SLC7A8: variants seen among roughly 807,000 people sequenced by gnomAD.
SLC7A8 encodes large neutral amino acids transporter small subunit 2.
Under a neutral mutation model 51.2 loss-of-function variants are expected in SLC7A8, and 30 were observed. The observed-to-expected ratio is 0.59, with a 90% CI of 0.44 to 0.80. SLC7A8 has a LOEUF of 0.80. Ranked by LOEUF, SLC7A8 falls within the 30% of genes least tolerant of loss-of-function variation. The pLI, the probability that SLC7A8 is intolerant of heterozygous loss-of-function variation, is 0.00. For missense variants in SLC7A8, 612 were observed against 674.4 expected, an observed-to-expected ratio of 0.91 and a Z score of 1.03; for synonymous variants, 257 against 275.8, an observed-to-expected ratio of 0.93 and a Z score of 0.67.
At chr14:23,132,797 A>G (rs549127495) in intron 7 of SLC7A8, among the ~76,000 whole-genome samples, 8 of 152,156 alleles carry the variant, frequency 5.3e-5, no homozygotes, top group South Asian at 2.1e-4. Context: ...CACCACACCC[A>G]GCTAATTTTT....
intron 1 of SLC7A8, among the ~76,000 whole-genome samples, chr14:23,180,773 A>G (rs1330498820): frequency 6.6e-6 from 1 of 152,206 alleles, no homozygotes; most frequent in Non-Finnish European, 1.5e-5. Flanking sequence ...CAAAAACATC[A>G]GTATATAGGA....
intron 7 of SLC7A8, among the ~76,000 whole-genome samples, chr14:23,132,130 A>G (rs926456212): frequency 4.7e-5 from 7 of 150,478 alleles, no homozygotes; most frequent in Middle Eastern, 3.4e-3. Flanking sequence ...CAGCCTCCCG[A>G]GAAGGTGGGA....
chr14:23,175,742 A>G (rs756396991), intron 1 of SLC7A8, among the ~76,000 whole-genome samples: 20 of 152,176 alleles, frequency 1.3e-4, no homozygotes, highest in African/African-American at 2.4e-4. Context: ...GAAGTGTCCA[A>G]CAGGATCCCT....
intron 7 of SLC7A8, among the ~76,000 whole-genome samples, chr14:23,134,484 A>G (rs991572790): frequency 6.6e-6 from 1 of 151,526 alleles, no homozygotes; most frequent in Admixed American, 6.6e-5. Context: ...AAAGGAAAAA[A>G]TGAATAAAAT....
At chr14:23,181,030 A>C (rs1702315561) in intron 1 of SLC7A8, among the ~76,000 whole-genome samples, 1 of 149,492 alleles carries the variant, frequency 6.7e-6, no homozygotes, top group South Asian at 2.3e-4. Flanking sequence ...CCGTCTGAAC[A>C]AAAAAAAAGA....
chr14:23,139,278 A>G (rs2048719386), intron 6 of SLC7A8, 146 bp downstream of exon 6: 2 of 1,253,212 alleles, frequency 1.6e-6, no homozygotes, highest in Admixed American at 1.8e-5. Context: ...TACCCCAGCC[A>G]ATGACATATG....
chr14:23,144,088 G>A (rs2048768938), intron 3 of SLC7A8, among the ~76,000 whole-genome samples: 3 of 152,212 alleles, frequency 2.0e-5, no homozygotes, highest in African/African-American at 7.2e-5. Context: ...TATGAATAGA[G>A]TTGTGATAAA....
At chr14:23,150,774 G>C (rs1594830662) in intron 3 of SLC7A8, among the ~76,000 whole-genome samples, 1 of 152,292 alleles carries the variant, frequency 6.6e-6, no homozygotes, top group East Asian at 1.9e-4. Context: ...ATGGTTTGAA[G>C]GATTTTAGAG....
intron 3 of SLC7A8, among the ~76,000 whole-genome samples, chr14:23,145,645 G>A (rs769380337): frequency 6.6e-6 from 1 of 151,876 alleles, no homozygotes; most frequent in Non-Finnish European, 1.5e-5. Flanking sequence ...TGCTCAGCAA[G>A]TATTTAATAA....
Position 23,165,174 on chromosome 14 carries a change from T to C in SLC7A8, c.508+111A>G. The C allele has an allele frequency of 6.1e-6, 7 of 1,141,800 alleles. No individual in the cohort carries two copies. Among genetic ancestry groups the C allele is most frequent in the Non-Finnish European group, 8.2e-6 (7 of 853,878 alleles). The allele number at this position is 1,141,800 out of a possible 1,614,324, so 70.7% of individuals were successfully genotyped here. On this transcript the variant is annotated intron_variant, in intron 3 of 10. Transcript: ENST00000316902. This position sits in a 1 kb window ranked among gnomAD's most constrained non-coding sequence, Gnocchi z 4.2. ...TCAAGGCTGCAGTGAGCTATGATCA[T>C]GCGGCTGCGCTCCAGCCTGAGTGAC...
intron 1 of SLC7A8, among the ~76,000 whole-genome samples, chr14:23,170,931 G>C (rs753784691): frequency 3.7e-4 from 56 of 152,204 alleles, no homozygotes; most frequent in Non-Finnish European, 7.1e-4. Context: ...GTCTCACTAT[G>C]TTGCCCAGGC....
At chr14:23,142,690 TG>T (rs2048756272) in intron 4 of SLC7A8, among the ~76,000 whole-genome samples, 1 of 151,944 alleles carries the variant, frequency 6.6e-6, no homozygotes, top group Non-Finnish European at 1.5e-5. Flanking sequence ...TTTGTAGAGA[TG>T]GGATCTCGCT....
Position 23,128,414 on chromosome 14 carries a change from G to A in SLC7A8, c.1264-218C>T, listed in dbSNP as rs1200048563. The stretch of plus-strand genomic sequence containing the variant: ...ATGGTCGGTCAGACAGGAAGAGGAT[G>A]GGGAGGAGTTAGGGAGGAAACGATC... On this transcript the variant is annotated intron_variant, in intron 9 of 10. Coordinates refer to ENST00000316902, the MANE Select transcript of SLC7A8 (RefSeq NM_012244.4). The surrounding 1 kb of genome is among the most constrained non-coding windows in gnomAD (Gnocchi z 4.3). 1 of 1,493,398 alleles carries A rather than the reference G, an allele frequency of 6.7e-7. No individual in the cohort carries two copies. The highest frequency in any genetic ancestry group is 9.0e-7 in the Non-Finnish European group (1 of 1,114,762). 92.5% of individuals were successfully genotyped at this position (1,493,398 alleles called of 1,614,324 possible). A position where few individuals can be genotyped will look rare whatever the true frequency, so the allele number is the denominator to read the frequency against.
intron 7 of SLC7A8, among the ~76,000 whole-genome samples, chr14:23,132,537 T>C (rs534884427): frequency 7.2e-5 from 11 of 151,902 alleles, no homozygotes; most frequent in African/African-American, 2.7e-4. Flanking sequence ...GGCAACATAG[T>C]GAGACTCTGC....
intron 3 of SLC7A8, among the ~76,000 whole-genome samples, chr14:23,164,610 C>CTT (rs113840221): frequency 1.9e-4 from 25 of 134,404 alleles, no homozygotes; most frequent in South Asian, 9.7e-4. Flanking sequence ...AAGTTTCTTT[C>CTT]TTTTTTTTTT....
At chr14:23,129,106 T>C (rs538208878) in intron 9 of SLC7A8, among the ~76,000 whole-genome samples, 4 of 152,336 alleles carry the variant, frequency 2.6e-5, no homozygotes, top group South Asian at 2.1e-4. Context: ...TTATATCTTG[T>C]AGCAATATTA....
chr14:23,155,416 C>G, intron 3 of SLC7A8: 1 of 1,445,794 alleles, frequency 6.9e-7, no homozygotes, highest in Non-Finnish European at 9.1e-7. Flanking sequence ...CCTGTTAGCT[C>G]CTGCGCCAGC....
chr14:23,150,279 C>T (rs2048834708), intron 3 of SLC7A8, among the ~76,000 whole-genome samples: 2 of 152,160 alleles, frequency 1.3e-5, no homozygotes, highest in South Asian at 2.1e-4. Context: ...CTCAACTCTA[C>T]CTAGTAGCAC....
At chr14:23,167,018 A>C (rs1214681081) in intron 1 of SLC7A8, among the ~76,000 whole-genome samples, 2 of 152,206 alleles carry the variant, frequency 1.3e-5, no homozygotes, top group East Asian at 3.9e-4. Flanking sequence ...CTGCCACTGG[A>C]AGGCTTCAAA....
Sources: gnomAD v4.1 joint callset for allele counts (sites outside exome capture counted in the v4.1 genomes callset) on GRCh38, gnomAD v4.1.1 for gene constraint, Gnocchi (gnomAD v3.1) non-coding constraint, MANE v1.5 for transcripts, NCBI Gene and HGNC (gene_info 2026-07-23, HGNC 2026-07-21) for gene names.